Variants in TLK1 observed in about 807,000 individuals in gnomAD.
TLK1 encodes the protein tousled like kinase 1, also known as serine/threonine-protein kinase tousled-like 1.
Under a neutral mutation model 105.3 loss-of-function variants are expected in TLK1, and 24 were observed. The observed-to-expected ratio is 0.23, with a 90% confidence interval of 0.17 to 0.32. The LOEUF (loss-of-function observed/expected upper bound fraction) is 0.32. Among genes scored for constraint, TLK1 ranks in the 10% least tolerant of loss-of-function variants. TLK1 has a pLI of 1.00. For missense variants in TLK1, 558 were observed against 910.5 expected (o/e 0.61, Z 4.98); for synonymous variants, 321 against 310.4 (o/e 1.03, Z -0.36).
chr2:171,069,561 T>C (rs1429881182), intron 3 of TLK1, among the ~76,000 whole-genome samples: 1 of 152,184 alleles, frequency 6.6e-6, no homozygotes, highest in Non-Finnish European at 1.5e-5. Context: ...CATCCTACAT[T>C]GCATAGGACA....
chr2:171,020,959 T>C (rs993754610), intron 12 of TLK1, among the ~76,000 whole-genome samples: 2 of 152,214 alleles, frequency 1.3e-5, no homozygotes, highest in African/African-American at 4.8e-5. Flanking sequence ...GATGAGAGCA[T>C]ACTGTATCAC....
At chr2:171,147,211 A>G (rs1483519788) in intron 1 of TLK1, among the ~76,000 whole-genome samples, 2 of 152,210 alleles carry the variant, frequency 1.3e-5, no homozygotes, top group East Asian at 1.9e-4. Context: ...ACTAGGCTTC[A>G]GGTCCAAAAA....
chr2:171,062,115 G>C (rs1036469072), intron 3 of TLK1, among the ~76,000 whole-genome samples: 1 of 152,146 alleles, frequency 6.6e-6, no homozygotes, highest in Admixed American at 6.5e-5. Flanking sequence ...AATTTTTCTG[G>C]AGTTTGACAA....
intron 11 of TLK1, among the ~76,000 whole-genome samples, chr2:171,038,613 C>T (rs1428537408): frequency 6.6e-6 from 1 of 152,088 alleles, no homozygotes; most frequent in African/African-American, 2.4e-5. Flanking sequence ...AGATTTCTAG[C>T]TAATTGCATT....
At chr2:171,118,444 C>CA (rs1378705875) in intron 1 of TLK1, among the ~76,000 whole-genome samples, 1 of 152,134 alleles carries the variant, frequency 6.6e-6, no homozygotes, top group Non-Finnish European at 1.5e-5. Context: ...ATTATTGTCA[C>CA]AATCCTTAAG....
At chr2:170,994,713 C>A (rs1559329356) in intron 20 of TLK1, 1 of 517,654 alleles carries the variant, frequency 1.9e-6, no homozygotes, top group Admixed American at 1.9e-5. Flanking sequence ...CCAGTCGAAC[C>A]TGGGTTAACC....
At chr2:171,042,150 C>T (rs1197647719) in intron 11 of TLK1, among the ~76,000 whole-genome samples, 1 of 152,174 alleles carries the variant, frequency 6.6e-6, no homozygotes, top group Non-Finnish European at 1.5e-5. Context: ...ATAATTAAAG[C>T]TGTTAGCATC....
chr2:171,012,073 G>GT (rs1206283231), intron 13 of TLK1, among the ~76,000 whole-genome samples: 83 of 149,152 alleles, frequency 5.6e-4, no homozygotes, highest in African/African-American at 7.0e-4. Flanking sequence ...TTTGGGAGTT[G>GT]TTTTTTTTTT....
chr2:171,116,512 C>A (rs1199113506), intron 2 of TLK1, among the ~76,000 whole-genome samples: 1 of 151,944 alleles, frequency 6.6e-6, no homozygotes, highest in Non-Finnish European at 1.5e-5. Flanking sequence ...ACCAGCTGGC[C>A]AGCATGGTAA....
intron 20 of TLK1, 96 bp from the exon 21 acceptor site, chr2:170,994,052 A>AT: frequency 2.3e-6 from 3 of 1,294,572 alleles, no homozygotes; most frequent in Non-Finnish European, 3.1e-6. Context: ...CATTTAAGAC[A>AT]TAAGTAGATC....
In TLK1 at chr2:171,191,194, A is replaced by T. The variant is rs183755665; in HGVS notation, c.-6+39951T>A. On this transcript the variant is annotated intron_variant, in intron 1 of 20. Transcript: ENST00000521943. ...AAAAATTTATGTTCTTCTTTTCAAC[A>T]AGTTCCCCCTAACTCCAAATTGGGT... Among the ~76,000 whole-genome samples the T allele has an allele frequency of 6.0e-3, 912 of 152,154 alleles. 11 individuals are homozygous for T. Among genetic ancestry groups the T allele is most frequent in the Non-Finnish European group, 6.0e-3 (408 of 68,000 alleles).
chr2:171,194,087 G>T (rs2105315762), intron 1 of TLK1, among the ~76,000 whole-genome samples: 1 of 152,152 alleles, frequency 6.6e-6, no homozygotes, highest in Non-Finnish European at 1.5e-5. Context: ...TCCCTTTTAG[G>T]CTAAAAGCAA....
At chr2:171,006,038 A>T in intron 18 of TLK1, 109 bp downstream of exon 18, 1 of 1,157,512 alleles carries the variant, frequency 8.6e-7, no homozygotes. Flanking sequence ...CAGTACCTTT[A>T]CCACAGTAAT....
chr2:171,174,464 C>T lies in TLK1; in HGVS notation c.-5-56607G>A, dbSNP rs115703359. Among the ~76,000 whole-genome samples the T allele has an allele frequency of 3.9e-3, 589 of 152,210 alleles. 6 individuals are homozygous for T. The highest frequency in any genetic ancestry group is 0.013 in the African/African-American group (545 of 41,512). On this transcript the variant is annotated intron_variant, in intron 1 of 20. Transcript: ENST00000521943. ...CTTGTTTTTATCACTAACATTAAAA[C>T]GGAGCAATTTTTTAATTTGCCAAGG... is the stretch of plus-strand genomic sequence containing the variant.
chr2:171,171,663 G>C (rs1192975962), intron 1 of TLK1, among the ~76,000 whole-genome samples: 1 of 151,876 alleles, frequency 6.6e-6, no homozygotes, highest in African/African-American at 2.4e-5. Context: ...ACAAAAACTT[G>C]AACAGTTGCT....
chr2:171,177,213 C>T (rs999201006), intron 1 of TLK1, among the ~76,000 whole-genome samples: 2 of 152,186 alleles, frequency 1.3e-5, no homozygotes, highest in African/African-American at 4.8e-5. Context: ...CCGATCACAG[C>T]TCACTGCAGC....
intron 1 of TLK1, among the ~76,000 whole-genome samples, chr2:171,156,012 T>C (rs2105605473): frequency 6.6e-6 from 1 of 152,320 alleles, no homozygotes; most frequent in Non-Finnish European, 1.5e-5. Flanking sequence ...TAAATGTATC[T>C]TCCATAGACT....
At chr2:171,161,179 G>C (rs961696121), upstream of TLK1, among the ~76,000 whole-genome samples, 2 of 146,732 alleles carry the variant, frequency 1.4e-5, no homozygotes, top group Non-Finnish European at 3.0e-5. Flanking sequence ...GCGTCCCCGC[G>C]CCGGCCGGAG....
chr2:171,030,901 G>A (rs1474241412), intron 11 of TLK1, among the ~76,000 whole-genome samples: 1 of 151,972 alleles, frequency 6.6e-6, no homozygotes, highest in Non-Finnish European at 1.5e-5. Flanking sequence ...TAACTGCAAA[G>A]CTCCTACACA....
Sources: gnomAD v4.1 joint callset for allele counts (sites outside exome capture counted in the v4.1 genomes callset) on GRCh38, gnomAD v4.1.1 for gene constraint, MANE v1.5 for transcripts, NCBI Gene and HGNC (gene_info 2026-07-23, HGNC 2026-07-21) for gene names.